The following ZFYVE9 variants were observed in gnomAD, a reference collection of about 807,000 sequenced individuals.
ZFYVE9 encodes the protein zinc finger FYVE domain-containing protein 9.
ZFYVE9 carries 43 observed loss-of-function variants against 126.7 expected under a neutral mutation model. The observed-to-expected ratio is 0.34, with a 90% CI of 0.27 to 0.44. The LOEUF (loss-of-function observed/expected upper bound fraction) is 0.44, where lower values mean the gene tolerates loss of function less well. ZFYVE9 is among the 20% of genes least tolerant of loss of function. The probability of loss-of-function intolerance (pLI) is 1.00; values close to 1 mark genes in which losing one functional copy is unlikely to be tolerated. For synonymous variants in ZFYVE9, 521 were observed against 597.4 expected (o/e 0.87, Z 1.87); for missense variants, 1,476 against 1,697.0 (o/e 0.87, Z 2.29).
chr1:52,311,949 C>G (rs1015217176), intron 13 of ZFYVE9, among the ~76,000 whole-genome samples: 1 of 151,950 alleles, frequency 6.6e-6, no homozygotes, highest in Non-Finnish European at 1.5e-5. Context: ...CGCCACCATG[C>G]CCAGCTAATT....
intron 4 of ZFYVE9, among the ~76,000 whole-genome samples, chr1:52,246,285 G>GA (rs1645382957): frequency 4.6e-5 from 7 of 152,060 alleles, no homozygotes; most frequent in Admixed American, 4.6e-4. Flanking sequence ...AAAGAAAGAT[G>GA]AAAAATATCT....
rs899042195 is a variant in ZFYVE9 at position 52,180,009 on chromosome 1, C to G, written c.-142-36360C>G. 1.1e-5 allele frequency: 10 copies of G among 878,248 alleles called. No homozygotes were observed. The East Asian group carries it at 1.7e-4, about 15-fold the overall frequency. The allele number at this position is 878,248 out of a possible 1,614,324, so 54.4% of individuals were successfully genotyped here. On this transcript the variant is annotated intron_variant, in intron 1 of 18. Transcript: ENST00000287727. ...TATGACTTTGGAAGAGCTGGAGGAT[C>G]GTGAAGACAAGTTTAATGAGGAGGA...
intron 1 of ZFYVE9, among the ~76,000 whole-genome samples, chr1:52,205,179 A>G (rs750111839): frequency 6.6e-6 from 1 of 150,382 alleles, no homozygotes. Context: ...GGCTCAAGCA[A>G]TCTTCCCACC....
chr1:52,147,310 C>T (rs1381944769), intron 1 of ZFYVE9, among the ~76,000 whole-genome samples: 2 of 152,128 alleles, frequency 1.3e-5, no homozygotes, highest in African/African-American at 2.4e-5. Flanking sequence ...ATTATATATT[C>T]ACAGAGTTGT....
At chr1:52,155,163 T>G (rs1182547145) in intron 1 of ZFYVE9, among the ~76,000 whole-genome samples, 1 of 152,066 alleles carries the variant, frequency 6.6e-6, no homozygotes, top group Non-Finnish European at 1.5e-5. Context: ...GGACACATGG[T>G]GCCCAGTGAT....
At chr1:52,324,270 C>CACAAAA (rs1569758845) in intron 13 of ZFYVE9, among the ~76,000 whole-genome samples, 1 of 150,380 alleles carries the variant, frequency 6.6e-6, no homozygotes, top group African/African-American at 2.4e-5. Context: ...CACACACACA[C>CACAAAA]ACAAAAACAA....
chr1:52,200,998 C>G (rs946724743), intron 1 of ZFYVE9, among the ~76,000 whole-genome samples: 2 of 152,142 alleles, frequency 1.3e-5, no homozygotes, highest in Admixed American at 6.5e-5. Flanking sequence ...ATTTTAGGAT[C>G]AATTTGTCAA....
At chr1:52,311,639 T>G (rs1022134959) in intron 13 of ZFYVE9, among the ~76,000 whole-genome samples, 3 of 152,202 alleles carry the variant, frequency 2.0e-5, no homozygotes, top group Non-Finnish European at 4.4e-5. Context: ...ATGCTCATAT[T>G]GTGAAGTTTT....
At chr1:52,336,506 G>A (rs936045639) in intron 15 of ZFYVE9, among the ~76,000 whole-genome samples, 18 of 151,466 alleles carry the variant, frequency 1.2e-4, no homozygotes, top group African/African-American at 3.9e-4. Flanking sequence ...ACAGTTGTGC[G>A]CCAACACGCC....
chr1:52,172,916 T>C (rs201005062), intron 1 of ZFYVE9, among the ~76,000 whole-genome samples: 48 of 152,144 alleles, frequency 3.2e-4, no homozygotes, highest in East Asian at 1.5e-3. Context: ...GACAATGGGG[T>C]TTTCTAGATA....
At chr1:52,190,804 T>C (rs1237943601) in intron 1 of ZFYVE9, among the ~76,000 whole-genome samples, 1 of 152,250 alleles carries the variant, frequency 6.6e-6, no homozygotes, top group Non-Finnish European at 1.5e-5. Context: ...GTAATATTTC[T>C]TGACTTTCCC....
chr1:52,182,016 C>G (rs1644712184), intron 1 of ZFYVE9, among the ~76,000 whole-genome samples: 1 of 151,576 alleles, frequency 6.6e-6, no homozygotes, highest in African/African-American at 2.4e-5. Flanking sequence ...CAGCCCACCG[C>G]CCGGCCAGCC....
intron 1 of ZFYVE9, among the ~76,000 whole-genome samples, chr1:52,204,569 A>G (rs957697359): frequency 6.6e-6 from 1 of 152,124 alleles, no homozygotes; most frequent in South Asian, 2.1e-4. Context: ...TCTGCTAAAA[A>G]TACAAAAATT....
chr1:52,290,777 A>G (rs921673561), intron 10 of ZFYVE9, among the ~76,000 whole-genome samples: 3 of 152,234 alleles, frequency 2.0e-5, no homozygotes, highest in Non-Finnish European at 2.9e-5. Context: ...GCTGATCAAT[A>G]TATGTATATT....
intron 10 of ZFYVE9, among the ~76,000 whole-genome samples, chr1:52,288,466 C>T (rs2147824168): frequency 6.6e-6 from 1 of 152,274 alleles, no homozygotes; most frequent in Non-Finnish European, 1.5e-5. Context: ...GACCTGGCTC[C>T]TCTTGAGCTT....
rs529026547 is a variant in ZFYVE9, at chr1:52,263,691, G to A, written c.2179-82G>A. The stretch of plus-strand genomic sequence containing the variant: ...GTTTAATAAGGTTCACTGACAATCA[G>A]TGTTTGTCAATATTGGTTCACTCTC... On this transcript the variant is annotated intron_variant, in intron 4 of 18. Coordinates refer to ENST00000287727, the MANE Select transcript of ZFYVE9 (RefSeq NM_004799.4). 4.6e-6 allele frequency: 3 copies of A among 654,844 alleles called. No homozygotes were observed. In the Admixed American group the frequency reaches 8.3e-5, roughly 18 times the overall value. 40.6% of individuals were successfully genotyped at this position (654,844 alleles called of 1,614,324 possible).
At chr1:52,179,939 T>C in intron 1 of ZFYVE9, 1 of 1,059,202 alleles carries the variant, frequency 9.4e-7, no homozygotes, top group Non-Finnish European at 1.5e-6. Flanking sequence ...AGGCAGAAGA[T>C]GAGCAGCGCA....
In ZFYVE9 at chr1:52,331,549, G is replaced by A. The variant is rs187672441; in HGVS notation, c.3439-1219G>A. ...GGGCGGATCACGAGGTCAGGAGATC[G>A]AGACCATCCTGGCTAACACGGTGAA... is the stretch of plus-strand genomic sequence containing the variant. On this transcript the variant is annotated intron_variant, in intron 13 of 18. Coordinates refer to ENST00000287727, the MANE Select transcript of ZFYVE9 (RefSeq NM_004799.4). 3.9e-3 allele frequency among the ~76,000 whole-genome samples: 596 copies of A among 151,088 alleles called. 2 individuals carry two copies. The highest frequency in any genetic ancestry group is 0.014 in the African/African-American group (568 of 41,226).
chr1:52,191,356 A>G (rs1299937018), intron 1 of ZFYVE9, among the ~76,000 whole-genome samples: 1 of 152,246 alleles, frequency 6.6e-6, no homozygotes. Context: ...AATTTGGCTA[A>G]GGTCACTGAA....
Sources: gnomAD v4.1 joint callset for allele counts (sites outside exome capture counted in the v4.1 genomes callset) on GRCh38, gnomAD v4.1.1 for gene constraint, MANE v1.5 for transcripts, NCBI Gene and HGNC (gene_info 2026-07-23, HGNC 2026-07-21) for gene names.